TUSC3: variants seen among roughly 807,000 people sequenced by gnomAD.
The protein encoded by TUSC3 is tumor suppressor candidate 3.
A neutral mutation model predicts 44.8 loss-of-function variants in TUSC3; 45 were observed. The observed-to-expected ratio is 1.00, with a 90% CI of 0.79 to 1.29. The LOEUF (loss-of-function observed/expected upper bound fraction) is 1.29, where lower values mean the gene tolerates loss of function less well. Among genes scored for constraint, TUSC3 ranks in the 50% most tolerant of loss-of-function variants. TUSC3 has a pLI of 0.00. For missense variants in TUSC3, 519 were observed against 437.9 expected, an observed-to-expected ratio of 1.19 and a Z score of -1.65; for synonymous variants, 212 against 152.9, an observed-to-expected ratio of 1.39 and a Z score of -2.85.
At chr8:15,571,794 C>T (rs535438979) in intron 1 of TUSC3, among the ~76,000 whole-genome samples, 1 of 152,250 alleles carries the variant, frequency 6.6e-6, no homozygotes, top group East Asian at 1.9e-4. Flanking sequence ...GTTTATGCAG[C>T]GTTCTTTCTC....
chr8:15,633,388 A>G (rs1805909980), intron 2 of TUSC3, among the ~76,000 whole-genome samples: 1 of 152,164 alleles, frequency 6.6e-6, no homozygotes, highest in Admixed American at 6.5e-5. Flanking sequence ...AGTTAGTGAT[A>G]AATTTCTTAC....
chr8:15,663,969 C>T (rs1470083509), intron 5 of TUSC3, among the ~76,000 whole-genome samples: 1 of 151,836 alleles, frequency 6.6e-6, no homozygotes, highest in Admixed American at 6.6e-5. Flanking sequence ...GATGTAGTCT[C>T]ATCTCTGAAT....
chr8:15,476,452 C>T lies in TUSC3; in HGVS notation n.92-6934C>T, dbSNP rs550412951. Among the ~76,000 whole-genome samples the T allele has an allele frequency of 1.4e-4, 22 of 152,204 alleles. 1 individual carries two copies. Among genetic ancestry groups the T allele is most frequent in the African/African-American group, 5.1e-4 (21 of 41,540 alleles). ...TTCTAAGAACATAGTAGCTACATTA[C>T]CAAAGTCAGTAAATTCTCAGATATT... On this transcript the variant is annotated intron_variant and non_coding_transcript_variant, in intron 1 of 5. Transcript: ENST00000503191.
intron 1 of TUSC3, among the ~76,000 whole-genome samples, chr8:15,459,235 G>A (rs1419879477): frequency 6.6e-6 from 1 of 152,056 alleles, no homozygotes; most frequent in East Asian, 1.9e-4. Flanking sequence ...ATTAATATTA[G>A]TTTATATCCA....
intron 1 of TUSC3, among the ~76,000 whole-genome samples, chr8:15,558,929 C>T (rs1248835543): frequency 1.7e-4 from 26 of 151,146 alleles, no homozygotes; most frequent in Admixed American, 1.4e-3. Flanking sequence ...GTCTATCAAT[C>T]TTGTTGGTCC....
At chr8:15,696,822 G>C (rs115102003) in intron 6 of TUSC3, among the ~76,000 whole-genome samples, 2,107 of 152,238 alleles carry the variant, frequency 0.014, 43 homozygotes, top group African/African-American at 0.046. Flanking sequence ...GATTTAGGGA[G>C]GGTTCCTTCT....
rs1807437265 is a variant in TUSC3 at position 15,661,769 on chromosome 8, A to G, written c.568-387A>G. ...AGAATGGGGGAAAATATTTGCAAAT[A>G]ATTTTTCTATAAGATACTTACAGCT... is the stretch of plus-strand genomic sequence containing the variant. On this transcript the variant is annotated intron_variant, in intron 4 of 10. Transcript: ENST00000503731. Among the ~76,000 whole-genome samples, 6 of 150,194 alleles carry G rather than the reference A, an allele frequency of 4.0e-5. No homozygotes were observed. In the Admixed American group the frequency reaches 4.0e-4, roughly 10 times the overall value.
At chr8:15,773,889 A>G in the TUSC3 span, among the ~76,000 whole-genome samples, 1 of 152,216 alleles carries the variant, frequency 6.6e-6, no homozygotes, top group African/African-American at 2.4e-5. Flanking sequence ...CACTGTATAC[A>G]TAAAAGTAAC....
chr8:15,561,601 G>A (rs1415651571), intron 1 of TUSC3: 3 of 156,024 alleles, frequency 1.9e-5, no homozygotes, highest in Non-Finnish European at 1.4e-5. Context: ...CCCTCCCCCA[G>A]CCTCACTGCC....
chr8:15,805,556 TA>T, the TUSC3 span, among the ~76,000 whole-genome samples: 1 of 152,148 alleles, frequency 6.6e-6, no homozygotes, highest in African/African-American at 2.4e-5. Context: ...TGGATTTTAT[TA>T]AGAGCCTTTT....
intron 6 of TUSC3, among the ~76,000 whole-genome samples, chr8:15,714,065 C>G (rs1333791364): frequency 6.6e-6 from 1 of 152,122 alleles, no homozygotes; most frequent in Admixed American, 6.6e-5. Flanking sequence ...ACGTCTTACA[C>G]AATTAAGAAC....
chr8:15,494,339 A>G (rs1401762147), intron 2 of TUSC3, among the ~76,000 whole-genome samples: 3 of 117,688 alleles, frequency 2.5e-5, no homozygotes, highest in Non-Finnish European at 5.7e-5. Flanking sequence ...TTTTTTTGAG[A>G]CAGAGTCTCG....
chr8:15,432,402 T>C (rs988138840), intron 1 of TUSC3, among the ~76,000 whole-genome samples: 1 of 152,190 alleles, frequency 6.6e-6, no homozygotes, highest in East Asian at 1.9e-4. Context: ...ACATTTCCCA[T>C]CTGTTTTCAC....
intron 1 of TUSC3, among the ~76,000 whole-genome samples, chr8:15,456,831 A>G (rs1433234207): frequency 1.3e-5 from 2 of 152,236 alleles, no homozygotes; most frequent in East Asian, 1.9e-4. Flanking sequence ...GCTTTAAAAC[A>G]TTTTGTTGTA....
intron 1 of TUSC3, among the ~76,000 whole-genome samples, chr8:15,476,941 A>T (rs779555149): frequency 5.7e-4 from 87 of 152,242 alleles, no homozygotes; most frequent in Non-Finnish European, 7.5e-4. Flanking sequence ...GCAGCCAATC[A>T]GAGGCTAAAG....
chr8:15,442,652 A>G (rs891977277), intron 1 of TUSC3, among the ~76,000 whole-genome samples: 1 of 152,022 alleles, frequency 6.6e-6, no homozygotes, highest in East Asian at 1.9e-4. Flanking sequence ...ACCTCCCCCA[A>G]CCCCTTTGTT....
the TUSC3 span, among the ~76,000 whole-genome samples, chr8:15,831,734 A>G: frequency 1.3e-5 from 2 of 152,190 alleles, no homozygotes; most frequent in African/African-American, 2.4e-5. Flanking sequence ...GTCAGACAAG[A>G]GAATAGAGAA....
rs557992962 is a variant in TUSC3, at chr8:15,632,825, A to G, written c.308+9576A>G. 3.9e-5 allele frequency among the ~76,000 whole-genome samples: 6 copies of G among 152,232 alleles called. No individual in the cohort carries two copies. In the East Asian group the frequency reaches 5.8e-4, roughly 15 times the overall value. ...TAGGATTATTCTTCTTCATGTTCAG[A>G]TTGTCCTAAATTTGACCTGTGGGAA... On this transcript the variant is annotated intron_variant, in intron 2 of 10. Coordinates refer to ENST00000503731, the MANE Select transcript of TUSC3 (RefSeq NM_006765.4).
chr8:15,465,260 C>A (rs1800399514), intron 1 of TUSC3, among the ~76,000 whole-genome samples: 3 of 152,080 alleles, frequency 2.0e-5, no homozygotes, highest in South Asian at 2.1e-4. Flanking sequence ...ACATGGGACA[C>A]AATAAGACTA....
Sources: gnomAD v4.1 joint callset for allele counts (sites outside exome capture counted in the v4.1 genomes callset) on GRCh38, gnomAD v4.1.1 for gene constraint, MANE v1.5 for transcripts, NCBI Gene and HGNC (gene_info 2026-07-23, HGNC 2026-07-21) for gene names.